Variants in ILDR1 observed in about 807,000 individuals in gnomAD.
ILDR1 encodes the protein immunoglobulin like domain containing receptor 1.
Under a neutral mutation model 62.4 loss-of-function variants are expected in ILDR1, and 56 were observed. The observed-to-expected ratio is 0.90, with a 90% CI of 0.72 to 1.12. The LOEUF is 1.12. ILDR1 is among the 50% of genes most tolerant of loss of function. The pLI, the probability that ILDR1 is intolerant of heterozygous loss-of-function variation, is 0.00. For synonymous variants in ILDR1, 284 were observed against 277.8 expected (o/e 1.02, Z -0.22); for missense variants, 736 against 710.6 (o/e 1.04, Z -0.41).
chr3:122,005,211 C>CCCCCCGTG, intron 3 of ILDR1, 33 bp downstream of exon 3: 1 of 1,240,078 alleles, frequency 8.1e-7, no homozygotes, highest in Non-Finnish European at 1.2e-6. Flanking sequence ...CTCCCCCCAC[C>CCCCCCGTG]CCCAGTTCCC....
intron 5 of ILDR1, among the ~76,000 whole-genome samples, chr3:121,998,985 G>C (rs1387750500): frequency 2.0e-5 from 3 of 150,360 alleles, no homozygotes; most frequent in African/African-American, 7.4e-5. Flanking sequence ...TCTTTTAAAA[G>C]AGATGACTTC....
At chr3:122,059,535 CAAA>C in the ILDR1 span, among the ~76,000 whole-genome samples, 6 of 67,942 alleles carry the variant, frequency 8.8e-5, no homozygotes, top group Admixed American at 1.7e-4. Context: ...GACTCCGTCT[CAAA>C]AAAAAAAAAA....
intron 5 of ILDR1, among the ~76,000 whole-genome samples, chr3:121,998,151 G>C (rs1163978708): frequency 6.6e-6 from 1 of 152,142 alleles, no homozygotes; most frequent in East Asian, 1.9e-4. Flanking sequence ...TCAGAGGCCA[G>C]GCTGCTTCCC....
the ILDR1 span, among the ~76,000 whole-genome samples, chr3:122,034,734 AAG>A: frequency 6.6e-6 from 1 of 152,198 alleles, no homozygotes; most frequent in Non-Finnish European, 1.5e-5. Context: ...TTACAAAAGA[AAG>A]AGGCTTAATT....
chr3:122,011,677 T>TTCACACACACACA (rs139879742), intron 1 of ILDR1, among the ~76,000 whole-genome samples: 8 of 133,236 alleles, frequency 6.0e-5, no homozygotes, highest in African/African-American at 2.4e-4. Flanking sequence ...TCTCTCTCTT[T>TTCACACACACACA]CACACACACA....
At chr3:122,025,692 C>T (rs1241706323), upstream of ILDR1, among the ~76,000 whole-genome samples, 1 of 152,064 alleles carries the variant, frequency 6.6e-6, no homozygotes, top group Non-Finnish European at 1.5e-5. Context: ...AATATTTGTA[C>T]ATTTATATGT....
At chr3:122,015,502 G>A (rs1411214173) in intron 1 of ILDR1, among the ~76,000 whole-genome samples, 6 of 152,082 alleles carry the variant, frequency 3.9e-5, no homozygotes, top group African/African-American at 1.4e-4. Context: ...TTGAATCTTG[G>A]GGTGGTTTCC....
intron 1 of ILDR1, among the ~76,000 whole-genome samples, chr3:122,013,988 TGA>T (rs1405636747): frequency 6.6e-6 from 1 of 152,264 alleles, no homozygotes; most frequent in Non-Finnish European, 1.5e-5. Context: ...AGGAAAATTC[TGA>T]GAGATTAAGT....
chr3:122,006,102 A>G (rs1358678925), intron 2 of ILDR1, among the ~76,000 whole-genome samples: 2 of 152,028 alleles, frequency 1.3e-5, no homozygotes, highest in South Asian at 2.1e-4. Context: ...TTTGGGGACA[A>G]TGGCAGACTC....
At chr3:122,056,421 G>A in the ILDR1 span, among the ~76,000 whole-genome samples, 3 of 152,146 alleles carry the variant, frequency 2.0e-5, no homozygotes, top group Non-Finnish European at 2.9e-5. Context: ...TGCAACCTCC[G>A]CCTCTCGGAT....
Position 122,005,413 on chromosome 3 carries a change from TAG to T in ILDR1, c.230-22_230-21del, listed in dbSNP as rs2071593144. On this transcript the variant is annotated intron_variant, in intron 2 of 7. Coordinates refer to ENST00000344209, the MANE Select transcript of ILDR1 (RefSeq NM_001199799.2). The stretch of plus-strand genomic sequence containing the variant: ...GGTATGCTGAGGAGAGAGGGCACAC[TAG>T]AGTCACACAGCAATAGGGGGTTCCC... 3.1e-6 allele frequency: 5 copies of T among 1,614,024 alleles called. No homozygotes were observed. The highest frequency in any genetic ancestry group is 4.2e-6 in the Non-Finnish European group (5 of 1,179,956).
chr3:121,995,765 CT>C (rs1339930372), intron 5 of ILDR1, among the ~76,000 whole-genome samples: 5 of 152,170 alleles, frequency 3.3e-5, no homozygotes, highest in South Asian at 2.1e-4. Context: ...AATGCCCAGC[CT>C]TATACATGTA....
At chr3:122,004,724 G>A (rs1194764317) in intron 3 of ILDR1, among the ~76,000 whole-genome samples, 1 of 152,224 alleles carries the variant, frequency 6.6e-6, no homozygotes, top group Non-Finnish European at 1.5e-5. Context: ...TGGTCACTGA[G>A]CTAGTGAGAG....
chr3:122,029,511 A>AAAAAAAAT, the ILDR1 span, among the ~76,000 whole-genome samples: 24 of 139,502 alleles, frequency 1.7e-4, no homozygotes, highest in African/African-American at 6.2e-4. Flanking sequence ...GTCTAAAAAA[A>AAAAAAAAT]ATATATATAT....
At chr3:122,045,479 C>G in the ILDR1 span, among the ~76,000 whole-genome samples, 2 of 152,222 alleles carry the variant, frequency 1.3e-5, no homozygotes, top group South Asian at 2.1e-4. Context: ...TCCCTGTTGA[C>G]TTTCTGTCTG....
the ILDR1 span, among the ~76,000 whole-genome samples, chr3:122,057,683 G>C: frequency 0.033 from 5,059 of 152,170 alleles, 265 homozygotes; most frequent in African/African-American, 0.12. Flanking sequence ...TTTATAAGTT[G>C]TGAGATTCCA....
chr3:122,034,236 A>G, the ILDR1 span, among the ~76,000 whole-genome samples: 1 of 152,212 alleles, frequency 6.6e-6, no homozygotes, highest in East Asian at 1.9e-4. Context: ...TAAATCCAGT[A>G]ACTTCTTGTG....
At chr3:121,998,098 C>T (rs2071463535) in intron 5 of ILDR1, among the ~76,000 whole-genome samples, 1 of 152,142 alleles carries the variant, frequency 6.6e-6, no homozygotes, top group Non-Finnish European at 1.5e-5. Flanking sequence ...TCCTCCCTTA[C>T]ATCTTAATCA....
At chr3:122,022,848 G>A (rs2071882324), upstream of ILDR1, among the ~76,000 whole-genome samples, 1 of 152,060 alleles carries the variant, frequency 6.6e-6, no homozygotes, top group South Asian at 2.1e-4. Context: ...GGGAGGCGGA[G>A]GTTGAAGTGA....
Sources: gnomAD v4.1 joint callset for allele counts (sites outside exome capture counted in the v4.1 genomes callset) on GRCh38, gnomAD v4.1.1 for gene constraint, MANE v1.5 for transcripts, NCBI Gene and HGNC (gene_info 2026-07-23, HGNC 2026-07-21) for gene names.